OPHN1: variants seen among roughly 807,000 people sequenced by gnomAD.
The protein encoded by OPHN1 is oligophrenin 1, also known as oligophrenin-1.
A neutral mutation model predicts 60.7 loss-of-function variants in OPHN1; 11 were observed. That is an observed-to-expected ratio of 0.18 (90% CI 0.11 to 0.30). The LOEUF is 0.30. OPHN1 is among the 10% of genes least tolerant of loss of function. OPHN1 has a pLI of 1.00. For missense variants in OPHN1, 449 were observed against 611.0 expected, an observed-to-expected ratio of 0.73 and a Z score of 2.80; for synonymous variants, 226 against 222.6, an observed-to-expected ratio of 1.02 and a Z score of -0.14.
At chrX:68,339,795 G>T (rs2078342592) in intron 2 of OPHN1, among the ~76,000 whole-genome samples, 2 of 110,421 alleles carry the variant, frequency 1.8e-5, no homozygotes, top group South Asian at 7.7e-4. Flanking sequence ...TAGTGACAGG[G>T]TTTCTCCATG....
intron 15 of OPHN1, among the ~76,000 whole-genome samples, chrX:68,143,012 T>C (rs2077249816): frequency 9.0e-6 from 1 of 111,430 alleles, no homozygotes; most frequent in South Asian, 3.8e-4. Context: ...GAACAAGCTT[T>C]TCATTTGAGT....
intron 5 of OPHN1, among the ~76,000 whole-genome samples, chrX:68,269,596 A>C (rs1372881649): frequency 1.8e-5 from 2 of 111,893 alleles, no homozygotes; most frequent in African/African-American, 6.5e-5. Context: ...TTCAAGATGG[A>C]TTAAAGACTT....
At chrX:68,095,789 C>A (rs886402709) in intron 19 of OPHN1, among the ~76,000 whole-genome samples, 3 of 111,079 alleles carry the variant, frequency 2.7e-5, no homozygotes, top group Non-Finnish European at 5.7e-5. Context: ...GAAGCTTATA[C>A]CCCAGTGTGC....
At position 68,045,942 on chromosome X, in the gene OPHN1, C is replaced by A; in HGVS notation, c.*1230G>T. The A allele has an allele frequency of 9.0e-6, 1 of 111,719 alleles. No homozygotes were observed. Among genetic ancestry groups the A allele is most frequent in the East Asian group, 2.8e-4 (1 of 3,529 alleles). 9.2% of individuals were successfully genotyped at this position (111,719 alleles called of 1,213,427 possible). ...GATCTTGTACTGGTGTGATCACTAC[C>A]TTGCTCTGCCTCAGTTCCCCCGACT... On this transcript the variant is annotated 3_prime_UTR_variant, in exon 25 of 25. Transcript: ENST00000355520.
chrX:68,234,053 C>T (rs914036379), intron 6 of OPHN1, among the ~76,000 whole-genome samples: 1 of 73,031 alleles, frequency 1.4e-5, no homozygotes, highest in Non-Finnish European at 2.4e-5. Context: ...CCCAGGTAAG[C>T]AGTAGTCCCA....
At chrX:68,098,931 T>C (rs2077047783) in intron 18 of OPHN1, among the ~76,000 whole-genome samples, 2 of 111,416 alleles carry the variant, frequency 1.8e-5, no homozygotes, top group South Asian at 7.7e-4. Context: ...CAAGGTCATA[T>C]GGCAAGGCAG....
At chrX:68,231,430 T>G (rs1480016873) in intron 6 of OPHN1, among the ~76,000 whole-genome samples, 1 of 111,923 alleles carries the variant, frequency 8.9e-6, no homozygotes, top group Non-Finnish European at 1.9e-5. Flanking sequence ...TACCATATGA[T>G]AGCAGTTGTA....
chrX:68,325,148 CTCAA>C (rs1431591789), intron 2 of OPHN1, among the ~76,000 whole-genome samples: 2 of 110,785 alleles, frequency 1.8e-5, no homozygotes, highest in South Asian at 7.7e-4. Flanking sequence ...GGTCTGTTCT[CTCAA>C]TCAATCTATA....
At chrX:68,416,159 C>G (rs915105857) in intron 2 of OPHN1, among the ~76,000 whole-genome samples, 1 of 103,519 alleles carries the variant, frequency 9.7e-6, no homozygotes, top group Non-Finnish European at 1.9e-5. Context: ...CCTCCCACCT[C>G]AGCCTCCTGA....
At chrX:68,401,359 G>T (rs1019019998) in intron 2 of OPHN1, among the ~76,000 whole-genome samples, 2 of 111,713 alleles carry the variant, frequency 1.8e-5, no homozygotes, top group Non-Finnish European at 3.8e-5. Context: ...CATTTGGCCC[G>T]CTCTAGAAAG....
rs1469152428 is a variant in OPHN1 at position 68,333,906 on chromosome X, TTTG to T, written c.155-34813_155-34811del. Among the ~76,000 whole-genome samples the T allele has an allele frequency of 2.6e-3, 219 of 85,423 alleles. 1 individual carries two copies. Among genetic ancestry groups the T allele is most frequent in the African/African-American group, 0.014 (200 of 14,631 alleles). The allele number at this position is 85,423 out of a possible 115,157, so 74.2% of individuals were successfully genotyped here. A position where few individuals can be genotyped will look rare whatever the true frequency, so the allele number is the denominator to read the frequency against. ...TTTCAAATGAATTTTTTTTTTTTTT[TTTG>T]GGTTGGGGGAGCCAGAGTCTCTCTC... On this transcript the variant is annotated intron_variant, in intron 2 of 24. Coordinates refer to ENST00000355520, the MANE Select transcript of OPHN1 (RefSeq NM_002547.3).
In OPHN1 at chrX:68,149,422, T is replaced by C. The variant is rs1224812319; in HGVS notation, c.1277-30090A>G. 6.2e-5 allele frequency among the ~76,000 whole-genome samples: 7 copies of C among 112,037 alleles called. No homozygotes were observed. In the Admixed American group the frequency reaches 6.7e-4, roughly 11 times the overall value. On this transcript the variant is annotated intron_variant, in intron 15 of 24. Transcript: ENST00000355520. ...GAAGTCTCAAGATTTTCCATGACTA[T>C]GATTTTTCTCATAATTAGTATCATT... is the stretch of plus-strand genomic sequence containing the variant.
chrX:68,073,242 T>C lies in OPHN1; in HGVS notation c.1744A>G (p.Thr582Ala). 1 of 1,211,555 alleles carries C rather than the reference T, an allele frequency of 8.3e-7. No homozygotes were observed. The highest frequency in any genetic ancestry group is 1.1e-6 in the Non-Finnish European group (1 of 895,188). ...GTGATTGGTTTGTGCCTTCTTGCTGTCACCCGAGGCGGAGGCACTGGCGGT... is the reference window on the plus strand; with the variant it reads ...GTGATTGGTTTGTGCCTTCTTGCTGCCACCCGAGGCGGAGGCACTGGCGGT... ...AAPPVPPPRVTARRHKPITIS... is the reference protein window; with the variant it reads ...AAPPVPPPRVAARRHKPITIS... Residue 582 changes from threonine to alanine, a missense_variant, in exon 20 of 25, where the codon ACA becomes GCA. Around this residue, in one of 4 missense-constraint regions of OPHN1, gnomAD observed 166 missense variants for 278.4 expected, o/e 0.60. Coordinates refer to ENST00000355520, the MANE Select transcript of OPHN1 (RefSeq NM_002547.3).
At chrX:68,428,835 T>A (rs1052421020) in intron 2 of OPHN1, among the ~76,000 whole-genome samples, 10 of 111,803 alleles carry the variant, frequency 8.9e-5, no homozygotes, top group Non-Finnish European at 1.5e-4. Context: ...AGAGGGATGG[T>A]ATTTTTATTT....
Position 68,048,424 on chromosome X carries a change from T to A in OPHN1, c.2409A>T (p.Ter803CysextTer5). Reference sequence around the variant, plus strand: ...GGATGGGGACTGCATACCTGTAGCCTCAACTTTCATCTCCAGGAAGTCTGC... The same window carrying A: ...GGATGGGGACTGCATACCTGTAGCCACAACTTTCATCTCCAGGAAGTCTGC... Reference protein sequence around the residue: ...SQGRLPGDES* With the variant: ...SQGRLPGDESC The change falls in exon 24 of 25, where the codon TGA becomes TGT. Residue 803 changes from the stop codon to cysteine (C), a stop_lost. Coordinates refer to ENST00000355520, the MANE Select transcript of OPHN1 (RefSeq NM_002547.3). The A allele has an allele frequency of 8.3e-7, 1 of 1,209,419 alleles. No individual in the cohort carries two copies. The highest frequency in any genetic ancestry group is 1.7e-5 in the African/African-American group (1 of 57,681).
chrX:68,433,760 C>T, upstream of OPHN1: 1 of 297,863 alleles, frequency 3.4e-6, no homozygotes, highest in East Asian at 4.8e-5. Context: ...TAGCCTCGCT[C>T]CATAGACACT....
intron 4 of OPHN1, among the ~76,000 whole-genome samples, chrX:68,277,681 C>T (rs1037270293): frequency 2.7e-5 from 3 of 111,245 alleles, no homozygotes; most frequent in East Asian, 5.7e-4. Flanking sequence ...ATCCCAGCTA[C>T]TCGGGAGGCT....
At chrX:68,147,169 T>C (rs1373715706) in intron 15 of OPHN1, among the ~76,000 whole-genome samples, 1 of 111,206 alleles carries the variant, frequency 9.0e-6, no homozygotes, top group Non-Finnish European at 1.9e-5. Context: ...TCTTTCTTCA[T>C]AAATGTCCTC....
chrX:68,074,171 T>G (rs1011000843), intron 19 of OPHN1, among the ~76,000 whole-genome samples: 7 of 111,444 alleles, frequency 6.3e-5, no homozygotes, highest in African/African-American at 2.0e-4. Flanking sequence ...CCCCAGTGAT[T>G]AGTGTAAAGA....
Sources: allele counts gnomAD v4.1 joint callset (sites outside exome capture counted in the v4.1 genomes callset), GRCh38; gene constraint gnomAD v4.1.1; regional missense constraint gnomAD v4.1.1; transcripts MANE v1.5; gene names NCBI Gene and HGNC (gene_info 2026-07-23, HGNC 2026-07-21).